Variants in DENND1A observed in about 807,000 individuals in gnomAD.
DENND1A encodes the protein DENN domain containing 1A, also known as DENN domain-containing protein 1A.
A neutral mutation model predicts 113.7 loss-of-function variants in DENND1A; 51 were observed. The ratio of observed to expected loss-of-function variants is 0.45; its 90% CI spans 0.36 to 0.57. The LOEUF (loss-of-function observed/expected upper bound fraction) is 0.57. Among genes scored for constraint, DENND1A ranks in the 20% least tolerant of loss-of-function variants. DENND1A has a pLI of 0.00. For missense variants in DENND1A, 1,258 were observed against 1,395.9 expected (o/e 0.90, Z 1.57); for synonymous variants, 565 against 570.8 (o/e 0.99, Z 0.14).
At chr9:123,470,815 A>T (rs2049352607) in intron 13 of DENND1A, among the ~76,000 whole-genome samples, 1 of 152,092 alleles carries the variant, frequency 6.6e-6, no homozygotes, top group Non-Finnish European at 1.5e-5. Context: ...AATTGTCAGA[A>T]TTATTTATTA....
chr9:123,877,982 G>A (rs553266952), intron 2 of DENND1A, among the ~76,000 whole-genome samples: 1 of 152,076 alleles, frequency 6.6e-6, no homozygotes, highest in East Asian at 1.9e-4. Flanking sequence ...TTCAGATTTT[G>A]TTCATATTAA....
At chr9:123,407,501 A>G (rs1246739376) in intron 20 of DENND1A, among the ~76,000 whole-genome samples, 1 of 152,188 alleles carries the variant, frequency 6.6e-6, no homozygotes, top group African/African-American at 2.4e-5. Context: ...AGGCACAGAC[A>G]CACACAGACA....
At chr9:123,779,998 C>A (rs1033905804) in intron 3 of DENND1A, among the ~76,000 whole-genome samples, 1 of 136,130 alleles carries the variant, frequency 7.3e-6, no homozygotes, top group South Asian at 2.2e-4. Context: ...GGATTACAGG[C>A]GCCCCCCCAC....
At chr9:123,688,453 G>A (rs1365939619) in intron 5 of DENND1A, among the ~76,000 whole-genome samples, 1 of 152,184 alleles carries the variant, frequency 6.6e-6, no homozygotes, top group South Asian at 2.1e-4. Context: ...GTGGAATATG[G>A]CATAACTTCC....
intron 12 of DENND1A, 58 bp downstream of exon 12, chr9:123,583,111 C>G: frequency 7.6e-7 from 1 of 1,318,228 alleles, no homozygotes; most frequent in Non-Finnish European, 1.1e-6. Context: ...CCCAAAGTCA[C>G]GTTCATTTCC....
chr9:123,766,093 C>T (rs908099454), intron 4 of DENND1A, among the ~76,000 whole-genome samples: 7 of 152,186 alleles, frequency 4.6e-5, no homozygotes, highest in African/African-American at 1.2e-4. Flanking sequence ...CTCTCCCCAG[C>T]GAGCTCCATC....
chr9:123,744,647 T>C (rs1280140435), intron 5 of DENND1A, among the ~76,000 whole-genome samples: 3 of 152,188 alleles, frequency 2.0e-5, no homozygotes, highest in African/African-American at 7.2e-5. Flanking sequence ...GTACACTTTG[T>C]CACATGTATG....
At chr9:123,898,089 C>T (rs1364965397) in intron 1 of DENND1A, among the ~76,000 whole-genome samples, 1 of 152,050 alleles carries the variant, frequency 6.6e-6, no homozygotes, top group Non-Finnish European at 1.5e-5. Flanking sequence ...TAAGTGTAAG[C>T]CCTGTGCCCA....
At chr9:123,651,575 C>T (rs1297519583) in intron 9 of DENND1A, among the ~76,000 whole-genome samples, 1 of 152,218 alleles carries the variant, frequency 6.6e-6, no homozygotes, top group Non-Finnish European at 1.5e-5. Flanking sequence ...GTGTCCCACT[C>T]CTTAGAATAT....
At chr9:123,557,472 C>A in intron 13 of DENND1A, 98 bp downstream of exon 13, 5 of 1,534,104 alleles carry the variant, frequency 3.3e-6, no homozygotes, top group East Asian at 2.3e-5. Flanking sequence ...CTAGATGAAT[C>A]TGGAAACCAG....
At chr9:123,458,651 T>C (rs778765346) in intron 13 of DENND1A, among the ~76,000 whole-genome samples, 8 of 152,110 alleles carry the variant, frequency 5.3e-5, no homozygotes, top group Non-Finnish European at 1.0e-4. Flanking sequence ...TTTATTCAGA[T>C]AGGATTTTAT....
intron 2 of DENND1A, among the ~76,000 whole-genome samples, chr9:123,820,982 C>T (rs1170804742): frequency 2.0e-5 from 3 of 152,256 alleles, no homozygotes; most frequent in Admixed American, 6.5e-5. Context: ...AAGAAGCATA[C>T]CATTGAAAAA....
At chr9:123,639,032 T>A (rs1246835399) in intron 9 of DENND1A, among the ~76,000 whole-genome samples, 1 of 69,150 alleles carries the variant, frequency 1.4e-5, no homozygotes, top group African/African-American at 6.7e-5. Flanking sequence ...TAAATTTGCA[T>A]GAGTAGTAAA....
In DENND1A at chr9:123,676,705, T is replaced by C. The variant is rs776180638; in HGVS notation, c.372+15A>G. ...GCTTATTTGTTTAAAAGAATTATTTTAAAAAGGTAAATACCTGTCTTTTTG... is the reference window on the plus strand; with the variant it reads ...GCTTATTTGTTTAAAAGAATTATTTCAAAAAGGTAAATACCTGTCTTTTTG... On this transcript the variant is annotated intron_variant, in intron 6 of 23. Coordinates refer to ENST00000394215, the MANE Select transcript of DENND1A (RefSeq NM_001352964.2). The C allele has an allele frequency of 1.2e-6, 2 of 1,610,286 alleles. No individual in the cohort carries two copies. The highest frequency in any genetic ancestry group is 2.2e-5 in the South Asian group (2 of 90,590).
rs567001947 is a variant in DENND1A at position 123,434,713 on chromosome 9, C to T, written c.1488+5647G>A. Among the ~76,000 whole-genome samples, 19 of 152,274 alleles carry T rather than the reference C, an allele frequency of 1.2e-4. No homozygotes were observed. In the South Asian group the frequency reaches 3.7e-3, roughly 30 times the overall value. On this transcript the variant is annotated intron_variant, in intron 19 of 23. Coordinates refer to ENST00000394215, the MANE Select transcript of DENND1A (RefSeq NM_001352964.2). Reference sequence around the variant, plus strand: ...GGAGTTGGGAGAATTTACCAGGAGGCCTGCTCTGGGATTGGACAGGCAGGT... The same window carrying T: ...GGAGTTGGGAGAATTTACCAGGAGGTCTGCTCTGGGATTGGACAGGCAGGT...
intron 13 of DENND1A, among the ~76,000 whole-genome samples, chr9:123,484,312 T>C (rs749390037): frequency 9.2e-5 from 14 of 152,168 alleles, no homozygotes; most frequent in East Asian, 1.9e-4. Flanking sequence ...GACCTCTCGA[T>C]TGGGGCAAAG....
At chr9:123,562,291 G>A (rs1252386974) in intron 12 of DENND1A, among the ~76,000 whole-genome samples, 1 of 152,068 alleles carries the variant, frequency 6.6e-6, no homozygotes, top group Non-Finnish European at 1.5e-5. Context: ...CATGTCACTA[G>A]CTCAGTCCTG....
At chr9:123,610,272 T>A (rs1484194915) in intron 10 of DENND1A, among the ~76,000 whole-genome samples, 1 of 152,196 alleles carries the variant, frequency 6.6e-6, no homozygotes, top group East Asian at 1.9e-4. Flanking sequence ...TACCTACCAA[T>A]AACAAATGTG....
intron 2 of DENND1A, among the ~76,000 whole-genome samples, chr9:123,877,771 G>A (rs972686644): frequency 5.3e-5 from 8 of 152,082 alleles, no homozygotes; most frequent in African/African-American, 1.2e-4. Context: ...GCAGTGAGCC[G>A]AGATTGTGCC....
Sources: allele counts gnomAD v4.1 joint callset (sites outside exome capture counted in the v4.1 genomes callset), GRCh38; gene constraint gnomAD v4.1.1; transcripts MANE v1.5; gene names NCBI Gene and HGNC (gene_info 2026-07-23, HGNC 2026-07-21).